MALRD1: variants seen among roughly 807,000 people sequenced by gnomAD.
MALRD1 encodes MAM and LDL receptor class A domain containing 1, also known as MAM and LDL-receptor class A domain-containing protein 1.
MALRD1 carries 247 observed loss-of-function variants against 242.1 expected under a neutral mutation model. The ratio of observed to expected loss-of-function variants is 1.02; its 90% CI spans 0.92 to 1.13. The LOEUF is 1.13. Ranked by LOEUF, MALRD1 falls within the 50% of genes most tolerant of loss-of-function variation. MALRD1 has a pLI of 0.00. For synonymous variants in MALRD1, 995 were observed against 866.6 expected, an observed-to-expected ratio of 1.15 and a Z score of -2.60; for missense variants, 2,989 against 2,533.1, an observed-to-expected ratio of 1.18 and a Z score of -3.86.
Position 19,204,910 on chromosome 10 carries a change from T to C in MALRD1, c.2223T>C (p.Tyr741=). ...TACTCTTTTTTAGGTTCTATAACTA[T>C]GGCCTGTCAGTGGGAGCAGCTGAGC... The part of the protein sequence containing the change: ...GCILSFWFYN[Y]GLSVGAAELQ... The change falls in exon 17 of 40, where the codon TAT becomes TAC. Residue 741 remains tyrosine, a synonymous_variant. Transcript: ENST00000454679. The C allele has an allele frequency of 5.2e-6, 8 of 1,547,962 alleles. No individual in the cohort carries two copies. Among genetic ancestry groups the C allele is most frequent in the Non-Finnish European group, 7.0e-6 (8 of 1,144,976 alleles).
Position 19,734,157 on chromosome 10 carries a change from A to C in MALRD1, c.6391A>C (p.Ser2131Arg). 1 of 1,530,680 alleles carries C rather than the reference A, an allele frequency of 6.5e-7. No homozygotes were observed. The highest frequency in any genetic ancestry group is 8.7e-7 in the Non-Finnish European group (1 of 1,145,076). The allele number at this position is 1,530,680 out of a possible 1,614,324, so 94.8% of individuals were successfully genotyped here. A position where few individuals can be genotyped will look rare whatever the true frequency, so the allele number is the denominator to read the frequency against. Reference protein sequence around the residue: ...GNWSNPEKTESSVYSFSNPLY... With the variant: ...GNWSNPEKTERSVYSFSNPLY... Reference sequence around the variant, plus strand: ...TTTCAAATGTGTTTTTCTTCGTCAGAGTTCTGTCTATTCCTTCTCAAACCC... The same window carrying C: ...TTTCAAATGTGTTTTTCTTCGTCAGCGTTCTGTCTATTCCTTCTCAAACCC... Residue 2131 changes from serine to arginine, a missense_variant and splice_region_variant, in exon 40 of 40, where the codon AGT becomes CGT. Physicochemically the swap from Ser to Arg is moderately radical, Grantham distance 110. Coordinates refer to ENST00000454679, the MANE Select transcript of MALRD1 (RefSeq NM_001142308.3).
chr10:19,601,581 C>T (rs558170260), intron 34 of MALRD1, among the ~76,000 whole-genome samples: 52 of 151,972 alleles, frequency 3.4e-4, no homozygotes, highest in Middle Eastern at 3.7e-3. Flanking sequence ...ACTATCTAAA[C>T]GGTTAACTTT....
intron 5 of MALRD1, among the ~76,000 whole-genome samples, chr10:19,118,217 C>T (rs1836939849): frequency 6.6e-6 from 1 of 152,052 alleles, no homozygotes; most frequent in African/African-American, 2.4e-5. Context: ...GATATGTTGA[C>T]AAAAAGAGTC....
chr10:19,430,276 G>C (rs1041904050), intron 28 of MALRD1, among the ~76,000 whole-genome samples: 1 of 150,976 alleles, frequency 6.6e-6, no homozygotes, highest in Non-Finnish European at 1.5e-5. Context: ...CACCATGCCC[G>C]GCTAATTTTG....
intron 21 of MALRD1, among the ~76,000 whole-genome samples, chr10:19,306,535 CTG>C (rs906322644): frequency 5.4e-4 from 78 of 145,328 alleles, no homozygotes; most frequent in African/African-American, 1.9e-3. Flanking sequence ...CGTATATATA[CTG>C]TGTATAGTAT....
chr10:19,165,242 AATATATATATATAT>A (rs57449195), intron 12 of MALRD1, among the ~76,000 whole-genome samples: 12 of 69,780 alleles, frequency 1.7e-4, no homozygotes, highest in Non-Finnish European at 2.1e-4. Flanking sequence ...AGTTGTTTGG[AATATATATATATAT>A]ATATATATAT....
chr10:19,350,307 G>C (rs949043438), intron 25 of MALRD1, among the ~76,000 whole-genome samples: 2 of 89,158 alleles, frequency 2.2e-5, no homozygotes, highest in Non-Finnish European at 4.2e-5. Flanking sequence ...GTCTCACTTT[G>C]TTGCCCGGGC....
chr10:19,445,849 G>T (rs1039191316), intron 28 of MALRD1, among the ~76,000 whole-genome samples: 1 of 152,206 alleles, frequency 6.6e-6, no homozygotes, highest in Non-Finnish European at 1.5e-5. Flanking sequence ...GTTTAAGTCT[G>T]CAAAAGTTTC....
chr10:19,518,697 A>G (rs759348498), intron 31 of MALRD1, among the ~76,000 whole-genome samples: 1 of 152,020 alleles, frequency 6.6e-6, no homozygotes, highest in Non-Finnish European at 1.5e-5. Flanking sequence ...AAATACAATT[A>G]TCTTTGTCAG....
Position 19,659,610 on chromosome 10 carries a change from C to T in MALRD1, c.6138-32672C>T, listed in dbSNP as rs143933806. ...GTCTGCCTCATAAAAGCCATTTCTG[C>T]TTAGAATAACGCATTGTCTGGATCT... On this transcript the variant is annotated intron_variant, in intron 36 of 39. Transcript: ENST00000454679. Among the ~76,000 whole-genome samples the T allele has an allele frequency of 3.9e-5, 6 of 152,214 alleles. No homozygotes were observed. In the East Asian group the frequency reaches 1.2e-3, roughly 29 times the overall value.
At chr10:19,387,491 T>TGTTC (rs1185524144) in intron 26 of MALRD1, 37 bp from the exon 27 acceptor site, 2 of 1,537,412 alleles carry the variant, frequency 1.3e-6, no homozygotes, top group East Asian at 4.9e-5. Flanking sequence ...GTGTTAGGAG[T>TGTTC]GTTCGCTCAT....
chr10:19,372,286 A>T (rs890168756), intron 26 of MALRD1, among the ~76,000 whole-genome samples: 7 of 152,144 alleles, frequency 4.6e-5, no homozygotes, highest in Non-Finnish European at 1.0e-4. Context: ...AAGAAATAGC[A>T]TAAGACCTAT....
intron 32 of MALRD1, among the ~76,000 whole-genome samples, chr10:19,549,087 C>T (rs1835370805): frequency 6.6e-6 from 1 of 152,172 alleles, no homozygotes; most frequent in African/African-American, 2.4e-5. Flanking sequence ...CCAGCTTCGA[C>T]ATTCCCTTAA....
intron 29 of MALRD1, among the ~76,000 whole-genome samples, chr10:19,459,139 G>T (rs1236973930): frequency 1.3e-5 from 2 of 152,024 alleles, no homozygotes; most frequent in Non-Finnish European, 2.9e-5. Context: ...TAAACAAAAA[G>T]AAATCACAAC....
At chr10:19,588,304 T>C (rs1837555391) in intron 33 of MALRD1, among the ~76,000 whole-genome samples, 1 of 152,238 alleles carries the variant, frequency 6.6e-6, no homozygotes, top group African/African-American at 2.4e-5. Flanking sequence ...GTAAAATTAC[T>C]ATTTAAACCA....
chr10:19,641,338 C>T (rs1840377213), intron 36 of MALRD1, among the ~76,000 whole-genome samples: 1 of 152,094 alleles, frequency 6.6e-6, no homozygotes, highest in African/African-American at 2.4e-5. Flanking sequence ...ACTCATTGCC[C>T]TTTGATCACT....
intron 19 of MALRD1, among the ~76,000 whole-genome samples, chr10:19,276,133 C>A (rs1042841620): frequency 3.9e-5 from 6 of 152,076 alleles, no homozygotes; most frequent in African/African-American, 9.7e-5. Flanking sequence ...TGGAACAGAC[C>A]AGCTTGGATG....
At chr10:19,608,244 T>C (rs1838730133) in intron 35 of MALRD1, among the ~76,000 whole-genome samples, 1 of 152,060 alleles carries the variant, frequency 6.6e-6, no homozygotes, top group Non-Finnish European at 1.5e-5. Flanking sequence ...TACAATCTAG[T>C]ACTATTATTT....
intron 28 of MALRD1, among the ~76,000 whole-genome samples, chr10:19,401,338 C>G (rs1423294449): frequency 6.6e-6 from 1 of 152,030 alleles, no homozygotes; most frequent in African/African-American, 2.4e-5. Context: ...ACTTCGTAAT[C>G]ATTTCTTTTG....
Sources: allele counts gnomAD v4.1 joint callset (sites outside exome capture counted in the v4.1 genomes callset), GRCh38; gene constraint gnomAD v4.1.1; transcripts MANE v1.5; gene names NCBI Gene and HGNC (gene_info 2026-07-23, HGNC 2026-07-21).